KLC4: variants seen among roughly 807,000 people sequenced by gnomAD.
The protein encoded by KLC4 is kinesin light chain 4, also known as kinesin-like protein 8.
Under a neutral mutation model 77.2 loss-of-function variants are expected in KLC4, and 49 were observed. That is an observed-to-expected ratio of 0.63 (90% CI 0.50 to 0.80). KLC4 has a LOEUF of 0.80. Among genes scored for constraint, KLC4 ranks in the 30% least tolerant of loss-of-function variants. The pLI is 0.00. For synonymous variants in KLC4, 274 were observed against 314.5 expected (o/e 0.87, Z 1.36); for missense variants, 669 against 793.5 (o/e 0.84, Z 1.89).
chr6:43,074,276 C>A (rs1160644490), intron 15 of KLC4: 4 of 451,710 alleles, frequency 8.9e-6, no homozygotes, highest in African/African-American at 8.1e-5. Context: ...TTTCATCCTG[C>A]AGCCGCCTTA....
rs1188173525 is a variant in KLC4, at chr6:43,063,025, C to G, written c.367C>G (p.Leu123Val). The change falls in exon 3 of 16, where the codon CTG becomes GTG. Residue 123 changes from leucine (L) to valine (V), a missense_variant. Physicochemically the swap from Leu to Val is conservative, Grantham distance 32. Coordinates refer to ENST00000347162, the MANE Select transcript of KLC4 (RefSeq NM_201521.3). Reference sequence around the variant, plus strand: ...GGAGAACCAGTGGCTGCGGGATGAGCTGGCTGGCACCCAGCAGCGGCTACA... The same window carrying G: ...GGAGAACCAGTGGCTGCGGGATGAGGTGGCTGGCACCCAGCAGCGGCTACA... ...CQENQWLRDE[L>V]AGTQQRLQRS... is the part of the protein sequence containing the mutation. 3 of 1,614,196 alleles carry G rather than the reference C, an allele frequency of 1.9e-6. No homozygotes were observed. The highest frequency in any genetic ancestry group is 1.3e-5 in the African/African-American group (1 of 75,064).
At chr6:43,068,906 G>C (rs2150356393) in intron 6 of KLC4, among the ~76,000 whole-genome samples, 1 of 152,224 alleles carries the variant, frequency 6.6e-6, no homozygotes, top group East Asian at 1.9e-4. Context: ...TCAGGAGTTT[G>C]AGACCAGCCT....
intron 8 of KLC4, 56 bp from the exon 9 acceptor site, chr6:43,071,219 A>AG: frequency 9.6e-7 from 1 of 1,042,096 alleles, no homozygotes; most frequent in East Asian, 2.4e-5. Context: ...AAAAAAAAAA[A>AG]AGACCTTGCC....
Position 43,071,902 on chromosome 6 carries a change from C to T in KLC4, c.1359C>T (p.Tyr453=). 1 of 1,611,248 alleles carries T rather than the reference C, an allele frequency of 6.2e-7. No individual in the cohort carries two copies. Among genetic ancestry groups the T allele is most frequent in the East Asian group, 2.2e-5 (1 of 44,830 alleles). ...CCTATGCTGAGTATGGAGGCTGGTACAAGGCCTGCAAAGTGAGCAGGTGAG... is the reference window on the plus strand; with the variant it reads ...CCTATGCTGAGTATGGAGGCTGGTATAAGGCCTGCAAAGTGAGCAGGTGAG... The part of the protein sequence containing the change: ...GTPYAEYGGW[Y]KACKVSSPTV... Residue 453 remains tyrosine (Y), a synonymous_variant, in exon 11 of 16, where the codon TAC becomes TAT. Coordinates refer to ENST00000347162, the MANE Select transcript of KLC4 (RefSeq NM_201521.3).
chr6:43,070,415 C>T lies in KLC4; in HGVS notation c.941C>T (p.Ala314Val), dbSNP rs1241985264. 4 of 1,614,044 alleles carry T rather than the reference C, an allele frequency of 2.5e-6. No individual in the cohort carries two copies. The Admixed American group carries it at 6.7e-5, about 27-fold the overall frequency. ...GGCAAAAGGGGCAAGTACAAGGAGG[C>T]AGAGCCTCTGTGCCAGCGGGCACTG... The part of the protein sequence containing the change: ...LYGKRGKYKE[A>V]EPLCQRALEI... Residue 314 changes from alanine to valine, a missense_variant, in exon 7 of 16, where the codon GCA becomes GTA. Transcript: ENST00000347162.
rs560928129 is a variant in KLC4, at chr6:43,061,702, A to G, written c.258+109A>G. On this transcript the variant is annotated intron_variant, in intron 2 of 15. Coordinates refer to ENST00000347162, the MANE Select transcript of KLC4 (RefSeq NM_201521.3). ...CACCTCACTCTAGACGTTTGCATTCATTCATTAAATATGTATTAAGTCCCT... is the reference window on the plus strand; with the variant it reads ...CACCTCACTCTAGACGTTTGCATTCGTTCATTAAATATGTATTAAGTCCCT... 3.7e-5 allele frequency: 41 copies of G among 1,110,698 alleles called. No homozygotes were observed. The African/African-American group carries it at 5.3e-4, about 14-fold the overall frequency. 68.8% of individuals were successfully genotyped at this position (1,110,698 alleles called of 1,614,324 possible). A position where few individuals can be genotyped will look rare whatever the true frequency, so the allele number is the denominator to read the frequency against.
chr6:43,069,168 G>C (rs894094349), intron 6 of KLC4, among the ~76,000 whole-genome samples: 8 of 152,254 alleles, frequency 5.3e-5, no homozygotes, highest in Admixed American at 4.6e-4. Context: ...ACCTTAAGTA[G>C]AGATATCACG....
At chr6:43,065,456 C>A in intron 3 of KLC4, 164 bp from the exon 4 acceptor site, 1 of 555,938 alleles carries the variant, frequency 1.8e-6, no homozygotes, top group East Asian at 2.9e-5. Context: ...AACAAGAGGC[C>A]TGAGCTTGGC....
At chr6:43,063,197 C>T in intron 3 of KLC4, 50 bp downstream of exon 3, 1 of 1,420,438 alleles carries the variant, frequency 7.0e-7, no homozygotes, top group Non-Finnish European at 9.8e-7. Context: ...CCGGGAGTTA[C>T]CACAGACATG....
rs1243646892 is a variant in KLC4, at chr6:43,061,055, A to AG, written c.-25-255dup. ...TTCCTAAGTCCTAAATCCTTCTGCT[A>AG]GTTCTAAGCACCTTTGTTCCTACTA... On this transcript the variant is annotated intron_variant, in intron 1 of 15. Transcript: ENST00000347162. 207 of 480,436 alleles carry AG rather than the reference A, an allele frequency of 4.3e-4. 1 individual carries two copies. The East Asian group carries it at 7.2e-3, about 17-fold the overall frequency. The allele number at this position is 480,436 out of a possible 1,614,324, so 29.8% of individuals were successfully genotyped here. A position where few individuals can be genotyped will look rare whatever the true frequency, so the allele number is the denominator to read the frequency against.
chr6:43,063,280 T>C, intron 3 of KLC4, 133 bp downstream of exon 3: 1 of 664,284 alleles, frequency 1.5e-6, no homozygotes, highest in East Asian at 2.7e-5. Context: ...GAATTCCTTT[T>C]TCAGCCCTGA....
chr6:43,073,534 C>T, intron 14 of KLC4, 196 bp downstream of exon 14: 1 of 537,772 alleles, frequency 1.9e-6, no homozygotes, highest in Non-Finnish European at 3.3e-6. Flanking sequence ...GTAATCTCAG[C>T]TACTTGGGAG....
rs1765762279 is a variant in KLC4, at chr6:43,072,144, C to T, written c.1380-3C>T. 1 of 1,611,622 alleles carries T rather than the reference C, an allele frequency of 6.2e-7. No individual in the cohort carries two copies. Among genetic ancestry groups the T allele is most frequent in the African/African-American group, 1.3e-5 (1 of 74,854 alleles). ...TCCTTCTCTGGTCTCTTTCTCACCA[C>T]AGCCCCACAGTGAACACTACTCTGA... On this transcript the variant is annotated splice_region_variant and splice_polypyrimidine_tract_variant and intron_variant, in intron 11 of 15. Coordinates refer to ENST00000347162, the MANE Select transcript of KLC4 (RefSeq NM_201521.3).
intron 4 of KLC4, 124 bp from the exon 5 acceptor site, chr6:43,066,182 T>G (rs1180228924): frequency 3.0e-4 from 228 of 772,716 alleles, no homozygotes; most frequent in East Asian, 1.7e-4. Context: ...TTGAGGCAGG[T>G]CTAATATTGA....
At chr6:43,074,479 C>T in intron 15 of KLC4, 143 bp from the exon 16 acceptor site, 2 of 735,414 alleles carry the variant, frequency 2.7e-6, no homozygotes, top group Non-Finnish European at 4.7e-6. Flanking sequence ...AACAAAGTCC[C>T]AGGTCCAGAG....
At chr6:43,070,280 G>C in intron 6 of KLC4, 74 bp from the exon 7 acceptor site, 1 of 972,364 alleles carries the variant, frequency 1.0e-6, no homozygotes, top group South Asian at 1.3e-5. Flanking sequence ...GCCCTGCTGG[G>C]AGGTGGGGAA....
At chr6:43,060,129 G>GCC in intron 1 of KLC4, 3 of 1,587,994 alleles carry the variant, frequency 1.9e-6, no homozygotes, top group Non-Finnish European at 2.6e-6. Flanking sequence ...ATTCTTTCCT[G>GCC]CATCATCGGG....
intron 7 of KLC4, 98 bp downstream of exon 7, chr6:43,070,553 C>G: frequency 1.5e-6 from 2 of 1,367,620 alleles, no homozygotes; most frequent in Non-Finnish European, 2.0e-6. Flanking sequence ...TTTTTCTCAC[C>G]CCCATCTCTG....
rs57415091 is a variant in KLC4, at chr6:43,065,573, C to G, written c.490-47C>G. 208 of 1,310,544 alleles carry G rather than the reference C, an allele frequency of 1.6e-4. 3 individuals carry two copies. The Admixed American group carries it at 3.4e-3, about 21-fold the overall frequency. The allele number at this position is 1,310,544 out of a possible 1,614,324, so 81.2% of individuals were successfully genotyped here. ...CTTAGAGGGGTCACTGAGAAGGCTACTAGGTAGGGATATCTTGGCCCTTAT... is the reference window on the plus strand; with the variant it reads ...CTTAGAGGGGTCACTGAGAAGGCTAGTAGGTAGGGATATCTTGGCCCTTAT... On this transcript the variant is annotated intron_variant, in intron 3 of 15. Transcript: ENST00000347162.
Sources: allele counts gnomAD v4.1 joint callset (sites outside exome capture counted in the v4.1 genomes callset), GRCh38; gene constraint gnomAD v4.1.1; transcripts MANE v1.5; gene names NCBI Gene and HGNC (gene_info 2026-07-23, HGNC 2026-07-21).